SCART1: variants seen among roughly 807,000 people sequenced by gnomAD.
SCART1 encodes the protein scavenger receptor family member expressed on T cells 1, also known as scavenger receptor cysteine-rich domain-containing protein SCART1.
A neutral mutation model predicts 36.2 loss-of-function variants in SCART1; 62 were observed. The ratio of observed to expected loss-of-function variants is 1.71; its 90% CI spans 1.40 to 2.12. The LOEUF is 2.12. Among genes scored for constraint, SCART1 ranks in the 30% most tolerant of loss-of-function variants. The probability of loss-of-function intolerance (pLI) is 0.00; values close to 1 mark genes in which losing one functional copy is unlikely to be tolerated. For synonymous variants in SCART1, 487 were observed against 238.7 expected (o/e 2.04, Z -9.59); for missense variants, 1,041 against 540.5 (o/e 1.93, Z -9.18).
intron 1 of SCART1, among the ~76,000 whole-genome samples, chr10:133,454,428 G>A (rs1850584021): frequency 6.6e-6 from 1 of 152,178 alleles, no homozygotes; most frequent in Admixed American, 6.5e-5. Flanking sequence ...CTGAGGTCCT[G>A]GGAAGGAGGT....
exon 5 of SCART1, chr10:133,459,273 C>T: frequency 1.5e-6 from 1 of 662,212 alleles, no homozygotes; most frequent in Non-Finnish European, 2.8e-6. Context: ...CCAGTAAGCA[C>T]CCTGGGGGCC....
chr10:133,456,691 A>T, intron 2 of SCART1, 137 bp downstream of exon 2: 1 of 583,966 alleles, frequency 1.7e-6, no homozygotes, highest in Non-Finnish European at 3.0e-6. Flanking sequence ...GTGGGTCTGG[A>T]GCTCTCTCTG....
rs1483859998 is a variant in SCART1 at position 133,459,344 on chromosome 10, G to A, written c.1285+18G>A. 7 of 623,658 alleles carry A rather than the reference G, an allele frequency of 1.1e-5. No individual in the cohort carries two copies. Among genetic ancestry groups the A allele is most frequent in the Middle Eastern group, 5.1e-4 (2 of 3,960 alleles). The allele number at this position is 623,658 out of a possible 1,614,324, so 38.6% of individuals were successfully genotyped here. A position where few individuals can be genotyped will look rare whatever the true frequency, so the allele number is the denominator to read the frequency against. Reference sequence around the variant, plus strand: ...CTGCTCAGGTGGGTGCAGCCAGGACGGTGGACCAGGAGGGTGAGTGAGAGG... The same window carrying A: ...CTGCTCAGGTGGGTGCAGCCAGGACAGTGGACCAGGAGGGTGAGTGAGAGG... On this transcript the variant is annotated intron_variant, in intron 5 of 11. Transcript: ENST00000640237.
At chr10:133,454,111 C>G (rs541085835) in intron 1 of SCART1, 47 bp downstream of exon 1, 4 of 702,222 alleles carry the variant, frequency 5.7e-6, no homozygotes, top group Non-Finnish European at 7.8e-6. Flanking sequence ...GAGGCATCAG[C>G]TCTGTTGATG....
chr10:133,459,017 C>T lies in SCART1; in HGVS notation c.980-4C>T, dbSNP rs1480364018. 1.5e-6 allele frequency: 1 copy of T among 675,026 alleles called. No homozygotes were observed. Among genetic ancestry groups the T allele is most frequent in the Non-Finnish European group, 2.7e-6 (1 of 369,038 alleles). 41.8% of individuals were successfully genotyped at this position (675,026 alleles called of 1,614,324 possible). On this transcript the variant is annotated splice_region_variant and splice_polypyrimidine_tract_variant and intron_variant, in intron 4 of 11. Coordinates refer to ENST00000640237, the Ensembl canonical transcript of SCART1. ...AAGCCAGGCTGACTCCTCCTCTCCC[C>T]CAGAGTTCAGGATGGTCAACGGCAG... is the stretch of plus-strand genomic sequence containing the variant.
chr10:133,467,830 G>A lies in SCART1; in HGVS notation c.2963-17G>A, dbSNP rs545346146. 14 of 663,082 alleles carry A rather than the reference G, an allele frequency of 2.1e-5. No individual in the cohort carries two copies. The highest frequency in any genetic ancestry group is 2.4e-4 in the Middle Eastern group (1 of 4,204). 41.1% of individuals were successfully genotyped at this position (663,082 alleles called of 1,614,324 possible). A position where few individuals can be genotyped will look rare whatever the true frequency, so the allele number is the denominator to read the frequency against. On this transcript the variant is annotated splice_polypyrimidine_tract_variant and intron_variant, in intron 11 of 11. Transcript: ENST00000640237. Reference sequence around the variant, plus strand: ...TGCACGTGTGCTGATTTGGTCACGCGGTGTCTCTTGCGCCAGTTTCAGGGG... The same window carrying A: ...TGCACGTGTGCTGATTTGGTCACGCAGTGTCTCTTGCGCCAGTTTCAGGGG...
In SCART1 at chr10:133,458,583, G is replaced by A. The variant is rs551506118; in HGVS notation, c.906G>A (p.Ser302=). The change falls in exon 4 of 12, where the codon TCG becomes TCA. Residue 302 remains serine (S), a synonymous_variant. Transcript: ENST00000640237. ...CCTTCCGCTGTGCGGGCAACGAGTC[G>A]CTGCTGTTCCACTGCCCACGGGGGC... The A allele has an allele frequency of 1.0e-4, 72 of 687,528 alleles. 1 individual carries two copies. The highest frequency in any genetic ancestry group is 8.9e-4 in the African/African-American group (50 of 56,372). The allele number at this position is 687,528 out of a possible 1,614,324, so 42.6% of individuals were successfully genotyped here. A position where few individuals can be genotyped will look rare whatever the true frequency, so the allele number is the denominator to read the frequency against.
chr10:133,467,419 A>G, intron 11 of SCART1, 66 bp downstream of exon 11: 1 of 649,460 alleles, frequency 1.5e-6, no homozygotes, highest in African/African-American at 1.8e-5. Flanking sequence ...CACAAGATGC[A>G]GTGGAAAGGG....
At chr10:133,467,806 G>T (rs776810287) in intron 11 of SCART1, 41 bp from the exon 12 acceptor site, 31 of 631,578 alleles carry the variant, frequency 4.9e-5, no homozygotes, top group Non-Finnish European at 8.2e-5. Context: ...GGGACAACTT[G>T]CACGTGTGCT....
In SCART1 at chr10:133,459,314, G is replaced by A. The variant is rs776623123; in HGVS notation, c.1273G>A (p.Ala425Thr). Reference sequence around the variant, plus strand: ...CTGTGCCCCGGGAAACACAGCCTCCGCGGTCTGCTCAGGTGGGTGCAGCCA... The same window carrying A: ...CTGTGCCCCGGGAAACACAGCCTCCACGGTCTGCTCAGGTGGGTGCAGCCA... Residue 425 changes from alanine (A) to threonine (T), a missense_variant, in exon 5 of 12, where the codon GCG becomes ACG. Transcript: ENST00000640237. 1.8e-4 allele frequency: 117 copies of A among 643,330 alleles called. No individual in the cohort carries two copies. In the Middle Eastern group the frequency reaches 2.9e-3, roughly 16 times the overall value. The allele number at this position is 643,330 out of a possible 1,614,324, so 39.9% of individuals were successfully genotyped here. A position where few individuals can be genotyped will look rare whatever the true frequency, so the allele number is the denominator to read the frequency against.
At chr10:133,468,113 C>T (rs1424230855) in exon 12 of SCART1, 3 of 554,232 alleles carry the variant, frequency 5.4e-6, no homozygotes, top group African/African-American at 3.7e-5. Flanking sequence ...CCAGTCCTTC[C>T]AGGCCCTGCC....
exon 7 of SCART1, chr10:133,464,821 C>G (rs1366221983): frequency 4.3e-6 from 3 of 702,836 alleles, no homozygotes; most frequent in South Asian, 1.5e-5. Context: ...CCTGGGTGGA[C>G]AACATCGAGT....
At chr10:133,467,933 G>A (rs966098209) in exon 12 of SCART1, 4 of 698,738 alleles carry the variant, frequency 5.7e-6, no homozygotes, top group African/African-American at 1.7e-5. Flanking sequence ...GGGATATGAC[G>A]AGGCTGCGTT....
chr10:133,458,492 G>A, exon 4 of SCART1: 1 of 686,766 alleles, frequency 1.5e-6, no homozygotes, highest in East Asian at 2.7e-5. Context: ...CTGCAGTGTG[G>A]GGCGGTCGTG....
At chr10:133,458,725 T>A (rs1406012017) in intron 4 of SCART1, 69 bp downstream of exon 4, 2 of 688,262 alleles carry the variant, frequency 2.9e-6, no homozygotes, top group Non-Finnish European at 5.2e-6. Context: ...CTTCGTGCCC[T>A]AAAGGTGCCT....
chr10:133,460,524 A>T (rs796598048), intron 6 of SCART1, among the ~76,000 whole-genome samples: 35 of 32,596 alleles, frequency 1.1e-3, no homozygotes, highest in African/African-American at 3.7e-3. Flanking sequence ...TATTTATTTA[A>T]ATATTTATTT....
chr10:133,469,511 C>T (rs904010865), downstream of SCART1, among the ~76,000 whole-genome samples: 1 of 151,994 alleles, frequency 6.6e-6, no homozygotes, highest in Non-Finnish European at 1.5e-5. Context: ...CCAAACACTG[C>T]ATGTTCTCAC....
intron 9 of SCART1, chr10:133,465,995 T>A (rs551868899): frequency 3.7e-5 from 25 of 671,654 alleles, no homozygotes; most frequent in Non-Finnish European, 4.4e-5. Flanking sequence ...GGCATCTGCC[T>A]GGGGGCCATG....
chr10:133,457,828 C>T, intron 3 of SCART1: 1 of 552,348 alleles, frequency 1.8e-6, no homozygotes, highest in South Asian at 2.4e-5. Flanking sequence ...CTGGCTGCCG[C>T]TGCAAGTCTG....
Sources: gnomAD v4.1 joint callset for allele counts (sites outside exome capture counted in the v4.1 genomes callset) on GRCh38, gnomAD v4.1.1 for gene constraint, MANE v1.5 for transcripts, NCBI Gene and HGNC (gene_info 2026-07-23, HGNC 2026-07-21) for gene names.